Variants in RUFY3 observed in about 807,000 individuals in gnomAD.
RUFY3 encodes the protein RUN and FYVE domain containing 3.
In RUFY3, 34 loss-of-function variants were observed where a neutral mutation model predicts 84.0. The ratio of observed to expected loss-of-function variants is 0.40; its 90% CI spans 0.31 to 0.54. The LOEUF is 0.54. RUFY3 is among the 20% of genes least tolerant of loss of function. The probability of loss-of-function intolerance (pLI) is 0.39; values close to 1 mark genes in which losing one functional copy is unlikely to be tolerated. For missense variants in RUFY3, 507 were observed against 736.8 expected (o/e 0.69, Z 3.61); for synonymous variants, 242 against 252.9 (o/e 0.96, Z 0.41).
chr4:70,806,000 C>T (rs919867904), intron 17 of RUFY3, among the ~76,000 whole-genome samples: 1 of 152,336 alleles, frequency 6.6e-6, no homozygotes, highest in Non-Finnish European at 1.5e-5. Flanking sequence ...ATGCAGGAAG[C>T]TGTGCTCCTG....
At chr4:70,730,417 G>C (rs1376277526) in intron 1 of RUFY3, among the ~76,000 whole-genome samples, 2 of 151,786 alleles carry the variant, frequency 1.3e-5, no homozygotes, top group Non-Finnish European at 2.9e-5. Flanking sequence ...TTGAGCCTAG[G>C]TACAACTATT....
rs1236009649 is a variant in RUFY3, at chr4:70,808,393, A to ATAGAT, written c.*1736_*1740dup. The stretch of plus-strand genomic sequence containing the variant: ...TATTTTGATTCTGTTACGTGTGTCT[A>ATAGAT]TAGATTGTTTCATTCTAATCAAGAC... On this transcript the variant is annotated 3_prime_UTR_variant, in exon 18 of 18. Coordinates refer to ENST00000381006, the MANE Select transcript of RUFY3 (RefSeq NM_001037442.4). Among the ~76,000 whole-genome samples the ATAGAT allele has an allele frequency of 6.6e-6, 1 of 152,192 alleles. No homozygotes were observed. Among genetic ancestry groups the ATAGAT allele is most frequent in the Non-Finnish European group, 1.5e-5 (1 of 68,028 alleles).
At chr4:70,723,690 GA>G (rs1370278178) in intron 1 of RUFY3, among the ~76,000 whole-genome samples, 8 of 151,480 alleles carry the variant, frequency 5.3e-5, no homozygotes, top group Non-Finnish European at 1.0e-4. Flanking sequence ...TTATACTGAT[GA>G]AAAAAAACAA....
intron 1 of RUFY3, among the ~76,000 whole-genome samples, chr4:70,712,301 C>G (rs897421436): frequency 6.6e-6 from 1 of 152,168 alleles, no homozygotes; most frequent in Non-Finnish European, 1.5e-5. Flanking sequence ...TAGTACTTAG[C>G]ACTTTTTTGA....
At chr4:70,783,300 TTTAGACTCCATG>T (rs760774860) in intron 9 of RUFY3, 117 bp downstream of exon 9, 14,287 of 677,264 alleles carry the variant, frequency 0.021, 228 homozygotes, top group African/African-American at 0.048. Flanking sequence ...ACACTTTTTA[TTTAGACTCCATG>T]CATAATTGTG....
At chr4:70,803,231 G>C in intron 16 of RUFY3, 1 of 379,984 alleles carries the variant, frequency 2.6e-6, no homozygotes, top group Non-Finnish European at 4.7e-6. Flanking sequence ...ATCTAGGAGA[G>C]CTCACTTTAT....
intron 1 of RUFY3, among the ~76,000 whole-genome samples, chr4:70,713,506 T>C (rs1741228972): frequency 1.3e-5 from 2 of 150,594 alleles, no homozygotes; most frequent in South Asian, 4.2e-4. Flanking sequence ...TCTGACATGC[T>C]CCCTACCGAC....
chr4:70,783,215 T>C, intron 9 of RUFY3, 32 bp downstream of exon 9: 2 of 1,355,448 alleles, frequency 1.5e-6, no homozygotes, highest in South Asian at 1.2e-5. Flanking sequence ...AAATATTCAC[T>C]GAGAGCATAT....
chr4:70,793,850 T>G lies in RUFY3; in HGVS notation c.1403T>G (p.Phe468Cys), dbSNP rs1731174389. 1 of 1,613,982 alleles carries G rather than the reference T, an allele frequency of 6.2e-7. No homozygotes were observed. Among genetic ancestry groups the G allele is most frequent in the African/African-American group, 1.3e-5 (1 of 74,886 alleles). ...GACAACCGGCTCTTCAAACAGGACT[T>G]TGGAGACAAGATCAACAGTCTGCAG... The part of the protein sequence containing the change: ...ELDNRLFKQD[F>C]GDKINSLQLE... The change falls in exon 13 of 18, where the codon TTT becomes TGT. Residue 468 changes from phenylalanine to cysteine, a missense_variant. Phe to Cys is a radical substitution (Grantham distance 205). Transcript: ENST00000381006.
At chr4:70,757,095 C>A (rs1478187995) in intron 1 of RUFY3, among the ~76,000 whole-genome samples, 2 of 151,482 alleles carry the variant, frequency 1.3e-5, no homozygotes, top group Non-Finnish European at 2.9e-5. Flanking sequence ...CATAGGGAGA[C>A]CCTGTCTCTA....
At chr4:70,777,300 C>T (rs1454053053) in intron 7 of RUFY3, among the ~76,000 whole-genome samples, 1 of 152,228 alleles carries the variant, frequency 6.6e-6, no homozygotes, top group African/African-American at 2.4e-5. Context: ...AAAACAGTTT[C>T]CTCTCTCCTG....
rs373111509 is a variant in RUFY3 at position 70,773,576 on chromosome 4, C to T, written c.758+4C>T. The T allele has an allele frequency of 1.6e-4, 258 of 1,599,194 alleles. No individual in the cohort carries two copies. Among genetic ancestry groups the T allele is most frequent in the African/African-American group, 1.3e-3 (96 of 74,636 alleles). On this transcript the variant is annotated splice_donor_region_variant and intron_variant, in intron 6 of 17. Transcript: ENST00000381006. ...ACAGCAGTAAAGGTACTGAAGGGTA[C>T]GTACAAAGAAAATTAGATTTCTTTT...
intron 1 of RUFY3, among the ~76,000 whole-genome samples, chr4:70,753,993 T>C (rs1431256326): frequency 6.6e-6 from 1 of 152,164 alleles, no homozygotes; most frequent in Non-Finnish European, 1.5e-5. Flanking sequence ...AAGTTCATCA[T>C]TGATTATACT....
chr4:70,798,971 G>A lies in RUFY3; in HGVS notation c.1558-1170G>A, dbSNP rs1400508482. ...TCAAGACCATCCTGGCCAACATGGT[G>A]AAACCCTGTCTCTACTAAAATACAA... On this transcript the variant is annotated intron_variant, in intron 14 of 17. Coordinates refer to ENST00000381006, the MANE Select transcript of RUFY3 (RefSeq NM_001037442.4). Among the ~76,000 whole-genome samples, 4 of 150,910 alleles carry A rather than the reference G, an allele frequency of 2.7e-5. No individual in the cohort carries two copies. The East Asian group carries it at 5.9e-4, about 22-fold the overall frequency.
chr4:70,726,601 G>A lies in RUFY3; in HGVS notation c.178+3850G>A, dbSNP rs994493334. Among the ~76,000 whole-genome samples the A allele has an allele frequency of 2.6e-5, 4 of 152,154 alleles. No homozygotes were observed. In the East Asian group the frequency reaches 5.8e-4, roughly 22 times the overall value. On this transcript the variant is annotated intron_variant, in intron 1 of 17. Transcript: ENST00000381006. ...TTGGTCAGGCTGGTCTCGAACTCCC[G>A]ACCTCAGGTGATCGCCCGCCTCAGC...
At chr4:70,711,929 T>C (rs1017166943) in intron 1 of RUFY3, among the ~76,000 whole-genome samples, 2 of 152,238 alleles carry the variant, frequency 1.3e-5, no homozygotes, top group Non-Finnish European at 2.9e-5. Flanking sequence ...CACCACCTTT[T>C]TGTTGCACCT....
chr4:70,722,837 G>A, intron 1 of RUFY3, 86 bp downstream of exon 1: 1 of 1,303,106 alleles, frequency 7.7e-7, no homozygotes, highest in Non-Finnish European at 1.1e-6. Context: ...GAGGTAGAAA[G>A]AACCTACACT....
At chr4:70,742,721 T>G (rs1454914571) in intron 1 of RUFY3, among the ~76,000 whole-genome samples, 1 of 152,208 alleles carries the variant, frequency 6.6e-6, no homozygotes, top group East Asian at 1.9e-4. Flanking sequence ...GTATCCTTAA[T>G]CAGACCTGGG....
chr4:70,717,873 ATTTTTTTTTTTTTTTT>A (rs1165078654), upstream of RUFY3, among the ~76,000 whole-genome samples: 20 of 82,382 alleles, frequency 2.4e-4, 1 homozygote, highest in South Asian at 5.9e-3. Context: ...TTGACATGGT[ATTTTTTTTTTTTTTTT>A]TTTTTTTTTT....
Sources: allele counts gnomAD v4.1 joint callset (sites outside exome capture counted in the v4.1 genomes callset), GRCh38; gene constraint gnomAD v4.1.1; transcripts MANE v1.5; gene names NCBI Gene and HGNC (gene_info 2026-07-23, HGNC 2026-07-21).